The following NXPH1 variants were observed in gnomAD, a reference collection of about 807,000 sequenced individuals.
NXPH1 encodes neurexophilin-1.
In NXPH1, 5 loss-of-function variants were observed where a neutral mutation model predicts 23.7. The ratio of observed to expected loss-of-function variants is 0.21; its 90% CI spans 0.11 to 0.44. The LOEUF is 0.44. Ranked by LOEUF, NXPH1 falls within the 20% of genes least tolerant of loss-of-function variation. NXPH1 has a pLI of 0.99. For synonymous variants in NXPH1, 144 were observed against 122.2 expected, an observed-to-expected ratio of 1.18 and a Z score of -1.18; for missense variants, 324 against 321.6, an observed-to-expected ratio of 1.01 and a Z score of -0.06.
In NXPH1 at chr7:8,449,385, G is replaced by C. The variant is rs574749670; in HGVS notation, c.54+13618G>C. ...AGTGGGGAAGGTGTAAAGACTACTA[G>C]AAAGGATAAAACGTTCCATATTTCT... On this transcript the variant is annotated intron_variant, in intron 2 of 2. Transcript: ENST00000405863. Among the ~76,000 whole-genome samples the C allele has an allele frequency of 8.5e-5, 13 of 152,298 alleles. No individual in the cohort carries two copies. In the South Asian group the frequency reaches 2.3e-3, roughly 27 times the overall value.
At chr7:8,705,658 C>T (rs1779691731) in intron 2 of NXPH1, among the ~76,000 whole-genome samples, 1 of 152,122 alleles carries the variant, frequency 6.6e-6, no homozygotes, top group African/African-American at 2.4e-5. Flanking sequence ...TTTATTGAAG[C>T]AAATCAACGT....
chr7:8,534,693 C>G (rs1276411270), intron 2 of NXPH1, among the ~76,000 whole-genome samples: 1 of 152,062 alleles, frequency 6.6e-6, no homozygotes, highest in Non-Finnish European at 1.5e-5. Context: ...TTATCGTACT[C>G]TCAAATATTT....
intron 2 of NXPH1, among the ~76,000 whole-genome samples, chr7:8,542,685 T>G (rs1381383932): frequency 6.6e-6 from 1 of 151,562 alleles, no homozygotes; most frequent in Non-Finnish European, 1.5e-5. Context: ...AATAACTAAA[T>G]GAAATTACTT....
intron 2 of NXPH1, among the ~76,000 whole-genome samples, chr7:8,705,310 A>G (rs1354062637): frequency 6.6e-6 from 1 of 152,170 alleles, no homozygotes; most frequent in Non-Finnish European, 1.5e-5. Flanking sequence ...AATAATTGCA[A>G]CACACTCAAA....
intron 2 of NXPH1, among the ~76,000 whole-genome samples, chr7:8,640,048 A>G (rs944420657): frequency 6.6e-6 from 1 of 151,854 alleles, no homozygotes; most frequent in Non-Finnish European, 1.5e-5. Context: ...ATTTATAGGA[A>G]CTCTATACAT....
intron 2 of NXPH1, among the ~76,000 whole-genome samples, chr7:8,612,780 A>G (rs1819648374): frequency 6.6e-6 from 1 of 152,098 alleles, no homozygotes; most frequent in Non-Finnish European, 1.5e-5. Context: ...GTAAATAAAG[A>G]GAGACACAGA....
At chr7:8,606,003 CAT>C (rs1447704932) in intron 2 of NXPH1, among the ~76,000 whole-genome samples, 1 of 152,080 alleles carries the variant, frequency 6.6e-6, no homozygotes. Context: ...AATTAGTTCA[CAT>C]ATGAATATTC....
chr7:8,560,026 T>C (rs10233977), intron 2 of NXPH1, among the ~76,000 whole-genome samples: 1 of 151,698 alleles, frequency 6.6e-6, no homozygotes, highest in Admixed American at 6.6e-5. Context: ...TAGGCATTAT[T>C]TATGAAGAAA....
At chr7:8,706,157 C>T (rs1400463120) in intron 2 of NXPH1, among the ~76,000 whole-genome samples, 1 of 152,110 alleles carries the variant, frequency 6.6e-6, no homozygotes, top group East Asian at 1.9e-4. Flanking sequence ...GTTAACTAAC[C>T]TCTTTTCAAA....
At chr7:8,497,608 G>A (rs1399699240) in intron 2 of NXPH1, among the ~76,000 whole-genome samples, 2 of 152,148 alleles carry the variant, frequency 1.3e-5, no homozygotes, top group South Asian at 2.1e-4. Flanking sequence ...TTCTCTGATG[G>A]CCAGTGATGA....
chr7:8,578,849 G>T (rs995108019), intron 2 of NXPH1, among the ~76,000 whole-genome samples: 1 of 152,192 alleles, frequency 6.6e-6, no homozygotes, highest in Non-Finnish European at 1.5e-5. Flanking sequence ...AGCCTTACAA[G>T]ATTGCAGGAG....
At chr7:8,598,588 A>G (rs926650808) in intron 2 of NXPH1, among the ~76,000 whole-genome samples, 1 of 152,122 alleles carries the variant, frequency 6.6e-6, no homozygotes, top group South Asian at 2.1e-4. Flanking sequence ...TTAATGTTGG[A>G]ATGGGAAGCA....
At chr7:8,653,372 T>C (rs569878660) in intron 2 of NXPH1, among the ~76,000 whole-genome samples, 12 of 152,340 alleles carry the variant, frequency 7.9e-5, no homozygotes, top group Admixed American at 4.6e-4. Context: ...TGCGTTGTCC[T>C]GTGTGGCATT....
chr7:8,543,329 TCTC>T (rs552284528), intron 2 of NXPH1, among the ~76,000 whole-genome samples: 7 of 151,674 alleles, frequency 4.6e-5, no homozygotes, highest in Non-Finnish European at 1.0e-4. Context: ...GCTATGGACT[TCTC>T]CTCTATTATT....
In NXPH1 at chr7:8,722,192, A is replaced by G. The variant is rs561043875; in HGVS notation, c.55-28816A>G. Among the ~76,000 whole-genome samples the G allele has an allele frequency of 2.3e-4, 35 of 152,288 alleles. 1 individual carries two copies. The highest frequency in any genetic ancestry group is 8.4e-4 in the African/African-American group (35 of 41,570). ...ATAATTTTTTAAAAATTTTAATATT[A>G]TAGTTATTTAACAAAAGCTTGCTGA... On this transcript the variant is annotated intron_variant, in intron 2 of 2. Coordinates refer to ENST00000405863, the MANE Select transcript of NXPH1 (RefSeq NM_152745.3).
intron 2 of NXPH1, among the ~76,000 whole-genome samples, chr7:8,544,960 G>A (rs4720785): frequency 2.0e-5 from 3 of 151,242 alleles, no homozygotes; most frequent in African/African-American, 7.3e-5. Context: ...TTAGTCTAGC[G>A]TGACCTTAAC....
At chr7:8,579,441 T>G (rs1034372358) in intron 2 of NXPH1, among the ~76,000 whole-genome samples, 1 of 151,936 alleles carries the variant, frequency 6.6e-6, no homozygotes. Flanking sequence ...GGTGTGATCT[T>G]GGCTCACTGA....
intron 2 of NXPH1, among the ~76,000 whole-genome samples, chr7:8,702,859 A>AT (rs1247769596): frequency 5.3e-5 from 8 of 152,026 alleles, no homozygotes; most frequent in African/African-American, 1.7e-4. Flanking sequence ...AACTTTTCTG[A>AT]TTTTTTCTTC....
chr7:8,750,956 T>C lies in NXPH1; in HGVS notation c.55-52T>C, dbSNP rs1420534623. On this transcript the variant is annotated intron_variant, in intron 2 of 2. Transcript: ENST00000405863. Reference sequence around the variant, plus strand: ...AGAAGGCTTAGATCTATGCATTGGGTGTTATTCTCAGATGCAGAGATGTAA... The same window carrying C: ...AGAAGGCTTAGATCTATGCATTGGGCGTTATTCTCAGATGCAGAGATGTAA... 6.5e-6 allele frequency: 10 copies of C among 1,534,930 alleles called. No homozygotes were observed. In the African/African-American group the frequency reaches 8.2e-5, roughly 13 times the overall value.
Sources: allele counts gnomAD v4.1 joint callset (sites outside exome capture counted in the v4.1 genomes callset), GRCh38; gene constraint gnomAD v4.1.1; transcripts MANE v1.5; gene names NCBI Gene and HGNC (gene_info 2026-07-23, HGNC 2026-07-21).